The following PIGO variants were observed in gnomAD, a reference collection of about 807,000 sequenced individuals.
The protein encoded by PIGO is phosphatidylinositol glycan anchor biosynthesis class O.
Under a neutral mutation model 86.9 loss-of-function variants are expected in PIGO, and 66 were observed. The observed-to-expected ratio is 0.76, with a 90% CI of 0.62 to 0.93. PIGO has a LOEUF of 0.93. Ranked by LOEUF, PIGO falls within the 40% of genes least tolerant of loss-of-function variation. PIGO has a pLI of 0.00. For missense variants in PIGO, 1,202 were observed against 1,359.1 expected (o/e 0.88, Z 1.82); for synonymous variants, 570 against 556.4 (o/e 1.02, Z -0.34).
In PIGO at chr9:35,095,479, C is replaced by A. The variant is rs1829630397; in HGVS notation, c.87G>T (p.Leu29=). 1.2e-6 allele frequency: 2 copies of A among 1,613,054 alleles called. No individual in the cohort carries two copies. The highest frequency in any genetic ancestry group is 2.7e-5 in the African/African-American group (2 of 74,854). The change falls in exon 2 of 11, where the codon CTG becomes CTT. Residue 29 remains leucine (L), a synonymous_variant. Coordinates refer to ENST00000378617, the MANE Select transcript of PIGO (RefSeq NM_032634.4). The part of the protein sequence containing the change: ...AGIALFTSGF[L]LTRLELTNHS... The stretch of plus-strand genomic sequence containing the variant: ...GGTTGGTGAGCTCCAAACGGGTGAG[C>A]AGGAAGCCACTGGTGAAGAGGGCAA...
rs144103228 is a variant in PIGO at position 35,092,129 on chromosome 9, G to A, written c.1758C>T (p.Val586=). The A allele has an allele frequency of 3.0e-4, 491 of 1,614,114 alleles. 1 individual carries two copies. The highest frequency in any genetic ancestry group is 6.6e-4 in the Middle Eastern group (4 of 6,084). The change falls in exon 7 of 11, where the codon GTC becomes GTT. Residue 586 remains valine (V), a synonymous_variant. Coordinates refer to ENST00000378617, the MANE Select transcript of PIGO (RefSeq NM_032634.4). ...LLGSFILLLV[V]QLHWEGQLLP... is the part of the protein sequence containing the mutation. Reference sequence around the variant, plus strand: ...GCAGCTGGCCCTCCCAGTGAAGCTGGACAACCAGGAGCAGGATGAATGAGC... The same window carrying A: ...GCAGCTGGCCCTCCCAGTGAAGCTGAACAACCAGGAGCAGGATGAATGAGC...
Position 35,093,941 on chromosome 9 carries a change from C to A in PIGO, c.739G>T (p.Glu247Ter). ...ATCTGGCTAAGTTTCTTGGCCATTT[C>A]AGGGTGGTGAGGGCCATGCTTGTGG... ...CGHKHGPHHPEMAKKLSQMDQ... is the reference protein window; with the variant it reads ...CGHKHGPHHP Residue 247 changes from glutamate to a stop codon, truncating the protein, a stop_gained, in exon 4 of 11, where the codon GAA becomes TAA. Transcript: ENST00000378617. LOFTEE classifies it high-confidence loss of function. 1 of 1,614,218 alleles carries A rather than the reference C, an allele frequency of 6.2e-7. No individual in the cohort carries two copies. Among genetic ancestry groups the A allele is most frequent in the Non-Finnish European group, 8.5e-7 (1 of 1,180,028 alleles).
intron 2 of PIGO, among the ~76,000 whole-genome samples, chr9:35,094,844 G>A (rs1260647309): frequency 6.6e-6 from 1 of 152,026 alleles, no homozygotes; most frequent in Non-Finnish European, 1.5e-5. Context: ...CCCAAACTGA[G>A]CTCCCTACCA....
rs543064455 is a variant in PIGO, at chr9:35,092,850, G to C, written c.1120-83C>G. ...GAGGCAAGAATAGGTATTACAAAAGGGGGTACCTGGAAGTCAAGGACCCAA... is the reference window on the plus strand; with the variant it reads ...GAGGCAAGAATAGGTATTACAAAAGCGGGTACCTGGAAGTCAAGGACCCAA... On this transcript the variant is annotated intron_variant, in intron 6 of 10. Coordinates refer to ENST00000378617, the MANE Select transcript of PIGO (RefSeq NM_032634.4). The C allele has an allele frequency of 1.2e-5, 17 of 1,411,910 alleles. No individual in the cohort carries two copies. The South Asian group carries it at 2.2e-4, about 18-fold the overall frequency. The allele number at this position is 1,411,910 out of a possible 1,614,324, so 87.5% of individuals were successfully genotyped here. A position where few individuals can be genotyped will look rare whatever the true frequency, so the allele number is the denominator to read the frequency against.
In PIGO at chr9:35,092,312, A is replaced by G. The variant is rs2131076597; in HGVS notation, c.1575T>C (p.Phe525=). Reference sequence around the variant, plus strand: ...CCCAGCCAGCCCAGGCTTTCCACAGAAAAGGGAGGAATGAGCTCACTGCAG... The same window carrying G: ...CCCAGCCAGCCCAGGCTTTCCACAGGAAAGGGAGGAATGAGCTCACTGCAG... The part of the protein sequence containing the change: ...AVAAVSSFLP[F]LWKAWAGWGS... Residue 525 remains phenylalanine (F), a synonymous_variant, in exon 7 of 11, where the codon TTT becomes TTC. Coordinates refer to ENST00000378617, the MANE Select transcript of PIGO (RefSeq NM_032634.4). The G allele has an allele frequency of 6.2e-7, 1 of 1,614,222 alleles. No individual in the cohort carries two copies. The highest frequency in any genetic ancestry group is 8.5e-7 in the Non-Finnish European group (1 of 1,180,034).
rs942500704 is a variant in PIGO, at chr9:35,089,518, T to C, written c.3070-68A>G. The C allele has an allele frequency of 8.1e-6, 13 of 1,604,234 alleles. No homozygotes were observed. The African/African-American group carries it at 1.6e-4, about 20-fold the overall frequency. On this transcript the variant is annotated intron_variant, in intron 9 of 10. Transcript: ENST00000378617. ...GAGGAAGCGGAGCAAAAGGAGAGTTTCTATAGGCCCCTGTAAAAAATGGAA... is the reference window on the plus strand; with the variant it reads ...GAGGAAGCGGAGCAAAAGGAGAGTTCCTATAGGCCCCTGTAAAAAATGGAA...
chr9:35,089,868 G>A, intron 9 of PIGO, 198 bp downstream of exon 9: 1 of 1,420,964 alleles, frequency 7.0e-7, no homozygotes, highest in African/African-American at 1.4e-5. Flanking sequence ...GTTGTAGAGG[G>A]GAAATGATCC....
intron 9 of PIGO, chr9:35,089,759 C>T: frequency 7.2e-7 from 1 of 1,393,180 alleles, no homozygotes; most frequent in Non-Finnish European, 9.3e-7. Context: ...GGATCCATGA[C>T]CACAGTTTGG....
rs765131021 is a variant in PIGO at position 35,093,567 on chromosome 9, G to A, written c.793C>T (p.Arg265Cys). 3.7e-6 allele frequency: 6 copies of A among 1,610,078 alleles called. No individual in the cohort carries two copies. The highest frequency in any genetic ancestry group is 1.3e-5 in the African/African-American group (1 of 74,750). The change falls in exon 5 of 11, where the codon CGT becomes TGT. Residue 265 changes from arginine to cysteine, a missense_variant. Arg to Cys is a radical substitution (Grantham distance 180). Transcript: ENST00000378617. ...MDQVIQGLVE[R>C]LENDTLLVVA... is the part of the protein sequence containing the mutation. ...ACCAGCAGTGTGTCATTCTCCAGAC[G>A]CTCCACAAGTCCCCTGGGGGCCAAT...
Position 35,095,195 on chromosome 9 carries a change from T to G in PIGO, c.371A>C (p.Gln124Pro), listed in dbSNP as rs1204483753. The G allele has an allele frequency of 3.1e-6, 5 of 1,614,038 alleles. No homozygotes were observed. Among genetic ancestry groups the G allele is most frequent in the African/African-American group, 1.3e-5 (1 of 74,924 alleles). The change falls in exon 2 of 11, where the codon CAG (glutamine) becomes CCG (proline). Residue 124 changes from glutamine (Q) to proline (P), a missense_variant. Coordinates refer to ENST00000378617, the MANE Select transcript of PIGO (RefSeq NM_032634.4). ...CATGGTGGTGGTAGGAGGGTCAACCTGAGATCGGTAGAGCCGGGCATGGTG... is the reference window on the plus strand; with the variant it reads ...CATGGTGGTGGTAGGAGGGTCAACCGGAGATCGGTAGAGCCGGGCATGGTG... ...QPHHARLYRSQVDPPTTTMQR... is the reference protein window; with the variant it reads ...QPHHARLYRSPVDPPTTTMQR...
In PIGO at chr9:35,089,454, G is replaced by A; in HGVS notation, c.3070-4C>T. Reference sequence around the variant, plus strand: ...CTGCCAAGGCACAGGCCAGAATCTAGAGGAGGAGAGGAGGGGCCACGTTAC... The same window carrying A: ...CTGCCAAGGCACAGGCCAGAATCTAAAGGAGGAGAGGAGGGGCCACGTTAC... On this transcript the variant is annotated splice_region_variant and splice_polypyrimidine_tract_variant and intron_variant, in intron 9 of 10. Coordinates refer to ENST00000378617, the MANE Select transcript of PIGO (RefSeq NM_032634.4). 1.2e-6 allele frequency: 2 copies of A among 1,614,186 alleles called. No individual in the cohort carries two copies. Among genetic ancestry groups the A allele is most frequent in the South Asian group, 1.1e-5 (1 of 91,092 alleles).
chr9:35,088,924 TG>T lies in PIGO; in HGVS notation c.*167del. 1 of 919,010 alleles carries T rather than the reference TG, an allele frequency of 1.1e-6. No individual in the cohort carries two copies. The highest frequency in any genetic ancestry group is 1.6e-6 in the Non-Finnish European group (1 of 612,022). 56.9% of individuals were successfully genotyped at this position (919,010 alleles called of 1,614,324 possible). On this transcript the variant is annotated 3_prime_UTR_variant, in exon 11 of 11. Coordinates refer to ENST00000378617, the MANE Select transcript of PIGO (RefSeq NM_032634.4). ...AGGAGTTAGGGATCATACTCCACTGTGGTCCTGAATTATAGAATAATGAAGT... is the reference window on the plus strand; with the variant it reads ...AGGAGTTAGGGATCATACTCCACTGTGTCCTGAATTATAGAATAATGAAGT...
In PIGO at chr9:35,090,225, C is replaced by T. The variant is rs1171844461; in HGVS notation, c.2910G>A (p.Arg970=). The T allele has an allele frequency of 6.2e-6, 10 of 1,614,086 alleles. No individual in the cohort carries two copies. Among genetic ancestry groups the T allele is most frequent in the African/African-American group, 5.3e-5 (4 of 74,928 alleles). ...WPFLCESQGL[R]KRQQPPGNEA... ...CATTCCCTGGGGGCTGCTGTCTCTTCCGCAGCCCTTGACTCTCACACAGGA... is the reference window on the plus strand; with the variant it reads ...CATTCCCTGGGGGCTGCTGTCTCTTTCGCAGCCCTTGACTCTCACACAGGA... Residue 970 remains arginine (R), a synonymous_variant, in exon 9 of 11, where the codon CGG becomes CGA. Coordinates refer to ENST00000378617, the MANE Select transcript of PIGO (RefSeq NM_032634.4).
Position 35,088,793 on chromosome 9 carries a change from C to T in PIGO, c.*299G>A, listed in dbSNP as rs533914060. 2.1e-4 allele frequency: 58 copies of T among 272,116 alleles called. 2 individuals are homozygous for T. In the South Asian group the frequency reaches 3.1e-3, roughly 14 times the overall value. The allele number at this position is 272,116 out of a possible 1,614,324, so 16.9% of individuals were successfully genotyped here. The stretch of plus-strand genomic sequence containing the variant: ...CTCCTGGGACCAAGCAATCCTCCCA[C>T]CTCTGCCTCCCAAAGTGCTGGGATT... On this transcript the variant is annotated 3_prime_UTR_variant, in exon 11 of 11. Coordinates refer to ENST00000378617, the MANE Select transcript of PIGO (RefSeq NM_032634.4).
Position 35,093,410 on chromosome 9 carries a change from C to G in PIGO, c.939+11G>C, listed in dbSNP as rs758571387. ...ACTGGGAGAACAGATGAGGAACATC[C>G]CAGGCCTCACCTCTGGTGGGGTGCT... On this transcript the variant is annotated intron_variant, in intron 5 of 10. Coordinates refer to ENST00000378617, the MANE Select transcript of PIGO (RefSeq NM_032634.4). The G allele has an allele frequency of 1.9e-6, 3 of 1,613,960 alleles. No individual in the cohort carries two copies. Among genetic ancestry groups the G allele is most frequent in the Non-Finnish European group, 2.5e-6 (3 of 1,179,950 alleles).
intron 9 of PIGO, 193 bp from the exon 10 acceptor site, chr9:35,089,643 G>A: frequency 1.4e-6 from 2 of 1,441,116 alleles, no homozygotes; most frequent in Non-Finnish European, 1.8e-6. Context: ...GACTCACTAT[G>A]TGACTTTGGG....
chr9:35,091,603 G>C lies in PIGO; in HGVS notation c.2284C>G (p.Pro762Ala), dbSNP rs752700560. 6.2e-7 allele frequency: 1 copy of C among 1,613,780 alleles called. No individual in the cohort carries two copies. The highest frequency in any genetic ancestry group is 8.5e-7 in the Non-Finnish European group (1 of 1,180,012). ...CCAGCCTTCACCAGCACTGTCACAG[G>C]CTTCCAGAGCAGCAGCGCGAGCCCT... ...ASGLALLLWK[P>A]VTVLVKAGAG... The change falls in exon 7 of 11, where the codon CCT becomes GCT. Residue 762 changes from proline (P) to alanine (A), a missense_variant. Coordinates refer to ENST00000378617, the MANE Select transcript of PIGO (RefSeq NM_032634.4).
In PIGO at chr9:35,088,872, C is replaced by T. The variant is rs773911038; in HGVS notation, c.*220G>A. 3 of 584,302 alleles carry T rather than the reference C, an allele frequency of 5.1e-6. No individual in the cohort carries two copies. The highest frequency in any genetic ancestry group is 8.6e-6 in the Non-Finnish European group (3 of 349,312). The allele number at this position is 584,302 out of a possible 1,614,324, so 36.2% of individuals were successfully genotyped here. ...TTTTATTCCACTTCGGAGACCGCCCCCCTTGTCCCTCAGATGCATCCAAAT... is the reference window on the plus strand; with the variant it reads ...TTTTATTCCACTTCGGAGACCGCCCTCCTTGTCCCTCAGATGCATCCAAAT... On this transcript the variant is annotated 3_prime_UTR_variant, in exon 11 of 11. Coordinates refer to ENST00000378617, the MANE Select transcript of PIGO (RefSeq NM_032634.4).
intron 5 of PIGO, 56 bp downstream of exon 5, chr9:35,093,365 A>C (rs1267903335): frequency 6.2e-7 from 1 of 1,610,098 alleles, no homozygotes; most frequent in Admixed American, 1.7e-5. Context: ...AGGATGCTGT[A>C]ATGGTAACAT....
Sources: allele counts gnomAD v4.1 joint callset (sites outside exome capture counted in the v4.1 genomes callset), GRCh38; gene constraint gnomAD v4.1.1; transcripts MANE v1.5; gene names NCBI Gene and HGNC (gene_info 2026-07-23, HGNC 2026-07-21).